SATB2: variants seen among roughly 807,000 people sequenced by gnomAD.
SATB2 encodes SATB homeobox 2, also known as DNA-binding protein SATB2.
Under a neutral mutation model 73.4 loss-of-function variants are expected in SATB2, and 1 was observed. That is an observed-to-expected ratio of 0.01 (90% CI 0.00 to 0.06). SATB2 has a LOEUF of 0.06. Among genes scored for constraint, SATB2 ranks in the 10% least tolerant of loss-of-function variants. The pLI is 1.00. For missense variants in SATB2, 459 were observed against 945.8 expected, an observed-to-expected ratio of 0.49 and a Z score of 6.75; for synonymous variants, 397 against 367.0, an observed-to-expected ratio of 1.08 and a Z score of -0.93.
intron 3 of SATB2, among the ~76,000 whole-genome samples, chr2:199,394,794 T>C (rs1466570231): frequency 1.3e-5 from 2 of 152,142 alleles, no homozygotes; most frequent in African/African-American, 2.4e-5. Flanking sequence ...ATCTGTCATA[T>C]GGATTTTTTT....
chr2:199,459,003 T>C (rs1208250556), upstream of SATB2, among the ~76,000 whole-genome samples: 1 of 151,120 alleles, frequency 6.6e-6, no homozygotes, highest in Admixed American at 6.6e-5. The surrounding 1 kb of genome is among the most constrained non-coding windows in gnomAD (Gnocchi z 4.2). Flanking sequence ...GGAATGGGGG[T>C]TGCGTGGTGG....
intron 10 of SATB2, among the ~76,000 whole-genome samples, chr2:199,296,610 A>C (rs1422980232): frequency 6.6e-6 from 1 of 152,058 alleles, no homozygotes; most frequent in Non-Finnish European, 1.5e-5. Context: ...AAGAAGAGAG[A>C]ATCCCCTGAG....
At chr2:199,426,692 C>CAAAAAAAAA (rs200293007) in intron 3 of SATB2, among the ~76,000 whole-genome samples, 1 of 128,272 alleles carries the variant, frequency 7.8e-6, no homozygotes, top group African/African-American at 3.3e-5. Context: ...CATTCTCTCT[C>CAAAAAAAAA]AAAAAAAAAA....
chr2:199,408,238 T>C (rs1690695752), intron 3 of SATB2, among the ~76,000 whole-genome samples: 1 of 152,206 alleles, frequency 6.6e-6, no homozygotes, highest in Non-Finnish European at 1.5e-5. Context: ...TAGTTGATAA[T>C]ATGATTTAGA....
intron 2 of SATB2, among the ~76,000 whole-genome samples, chr2:199,452,957 C>A (rs950874996): frequency 1.3e-4 from 20 of 152,088 alleles, no homozygotes; most frequent in African/African-American, 4.8e-4. Context: ...ACATAGTAAA[C>A]AATCCACTTT....
intron 3 of SATB2, among the ~76,000 whole-genome samples, chr2:199,416,282 A>G (rs1358306199): frequency 6.6e-6 from 1 of 152,210 alleles, no homozygotes; most frequent in Non-Finnish European, 1.5e-5. Context: ...AAATCTATGA[A>G]TGGGTAATTA....
chr2:199,415,996 G>A lies in SATB2; in HGVS notation c.346+17342C>T, dbSNP rs1690967445. ...GCCACTGCCACTGCCAAGGGCCACA[G>A]GGTAGAGAGGTGGCTGTCAAAGGCA... On this transcript the variant is annotated intron_variant, in intron 3 of 10. Transcript: ENST00000417098. 2.0e-5 allele frequency among the ~76,000 whole-genome samples: 3 copies of A among 152,242 alleles called. No individual in the cohort carries two copies. In the South Asian group the frequency reaches 6.2e-4, roughly 32 times the overall value.
At chr2:199,456,383 T>G (rs925052938) in intron 1 of SATB2, among the ~76,000 whole-genome samples, 1 of 152,192 alleles carries the variant, frequency 6.6e-6, no homozygotes, top group Non-Finnish European at 1.5e-5. Context: ...CTAGAAGTGG[T>G]CCATTCATTG....
At position 199,337,717 on chromosome 2, in the gene SATB2, T is replaced by C. The variant is rs917615279; in HGVS notation, c.1174-8807A>G. ...ATTCTGCAGTCTATACTGACAATTT[T>C]AGACACAGAACTGTATACAGAATTG... On this transcript the variant is annotated intron_variant, in intron 7 of 10. Transcript: ENST00000417098. Among the ~76,000 whole-genome samples, 10 of 152,196 alleles carry C rather than the reference T, an allele frequency of 6.6e-5. 1 individual carries two copies. Among genetic ancestry groups the C allele is most frequent in the African/African-American group, 1.9e-4 (8 of 41,460 alleles).
At chr2:199,401,081 T>C (rs1009610048) in intron 3 of SATB2, among the ~76,000 whole-genome samples, 6 of 152,164 alleles carry the variant, frequency 3.9e-5, no homozygotes, top group Admixed American at 2.0e-4. Context: ...ATATTCTCTA[T>C]CACTAAACTT....
intron 3 of SATB2, among the ~76,000 whole-genome samples, chr2:199,415,734 G>T (rs868605071): frequency 1.3e-5 from 2 of 152,190 alleles, no homozygotes; most frequent in African/African-American, 4.8e-5. Context: ...TCCCACAAGG[G>T]TCTACTGTGG....
At chr2:199,317,636 C>A (rs953095015) in intron 9 of SATB2, among the ~76,000 whole-genome samples, 2 of 151,970 alleles carry the variant, frequency 1.3e-5, no homozygotes, top group Non-Finnish European at 2.9e-5. Context: ...CCTATAAAGA[C>A]TAATTTTAAG....
intron 10 of SATB2, among the ~76,000 whole-genome samples, chr2:199,293,493 C>T (rs922719832): frequency 1.3e-5 from 2 of 151,824 alleles, no homozygotes; most frequent in Non-Finnish European, 2.9e-5. Context: ...AAGTTGACCA[C>T]AGAACAAACC....
At chr2:199,405,615 A>ATATG (rs1167983295) in intron 3 of SATB2, among the ~76,000 whole-genome samples, 2 of 152,146 alleles carry the variant, frequency 1.3e-5, no homozygotes, top group Non-Finnish European at 2.9e-5. Flanking sequence ...GTACTCCACC[A>ATATG]CTATCACTTT....
At chr2:199,342,505 C>T (rs1040609508) in intron 7 of SATB2, among the ~76,000 whole-genome samples, 1 of 151,384 alleles carries the variant, frequency 6.6e-6, no homozygotes, top group African/African-American at 2.4e-5. Context: ...CCTAATGGCA[C>T]AGACAGGACA....
chr2:199,291,890 G>A (rs750904648), intron 10 of SATB2, among the ~76,000 whole-genome samples: 6 of 151,158 alleles, frequency 4.0e-5, no homozygotes, highest in East Asian at 2.0e-4. Flanking sequence ...CAGCCTGGGG[G>A]ACACAGCAAG....
rs1023668015 is a variant in SATB2, at chr2:199,464,589, T to A, written c.-141+247A>T. On this transcript the variant is annotated intron_variant, in intron 1 of 11. Coordinates refer to the SATB2 transcript ENST00000260926. The surrounding 1 kb of genome is among the most constrained non-coding windows in gnomAD (Gnocchi z 6.6). ...AGGTCTGAGACGCCCCGCGCCCGAC[T>A]CACGGCGCGAACACCAGCGCTCCGG... Among the ~76,000 whole-genome samples the A allele has an allele frequency of 2.6e-5, 4 of 152,102 alleles. No homozygotes were observed. Among genetic ancestry groups the A allele is most frequent in the African/African-American group, 9.7e-5 (4 of 41,434 alleles).
intron 6 of SATB2, 93 bp downstream of exon 6, chr2:199,368,512 T>C (rs181611750): frequency 1.2e-5 from 9 of 773,374 alleles, no homozygotes; most frequent in East Asian, 7.7e-5. Flanking sequence ...ATTACGTAAA[T>C]TGTATCTAAA....
intron 8 of SATB2, chr2:199,325,545 T>C (rs1291251634): frequency 6.6e-6 from 1 of 152,210 alleles, no homozygotes; most frequent in Non-Finnish European, 1.5e-5. Flanking sequence ...AAATAAACTA[T>C]TTGTTCTGCT....
Sources: allele counts gnomAD v4.1 joint callset (sites outside exome capture counted in the v4.1 genomes callset), GRCh38; gene constraint gnomAD v4.1.1; non-coding constraint Gnocchi (gnomAD v3.1); transcripts MANE v1.5; gene names NCBI Gene and HGNC (gene_info 2026-07-23, HGNC 2026-07-21).